Variants in STYXL2 observed in about 807,000 individuals in gnomAD.
STYXL2 encodes serine/threonine/tyrosine interacting like 2.
Under a neutral mutation model 52.4 loss-of-function variants are expected in STYXL2, and 44 were observed. The observed-to-expected ratio is 0.84, with a 90% CI of 0.66 to 1.08. STYXL2 has a LOEUF of 1.08. Among genes scored for constraint, STYXL2 ranks in the 50% least tolerant of loss-of-function variants. The pLI, the probability that STYXL2 is intolerant of heterozygous loss-of-function variation, is 0.00. For missense variants in STYXL2, 1,604 were observed against 1,471.7 expected, an observed-to-expected ratio of 1.09 and a Z score of -1.47; for synonymous variants, 604 against 586.9, an observed-to-expected ratio of 1.03 and a Z score of -0.42.
chr1:167,119,514 A>T (rs141993270), intron 5 of STYXL2, 48 bp downstream of exon 5: 1 of 1,541,518 alleles, frequency 6.5e-7, no homozygotes, highest in Non-Finnish European at 8.9e-7. Flanking sequence ...ACGGGGGAAA[A>T]GTAATGTGGG....
chr1:167,105,631 A>G (rs1183241006), intron 2 of STYXL2, among the ~76,000 whole-genome samples: 1 of 152,074 alleles, frequency 6.6e-6, no homozygotes. Context: ...CTATTTCTGC[A>G]GTCCTCCTTC....
At chr1:167,120,325 G>A (rs1667824196) in intron 5 of STYXL2, among the ~76,000 whole-genome samples, 1 of 152,176 alleles carries the variant, frequency 6.6e-6, no homozygotes, top group Non-Finnish European at 1.5e-5. Context: ...TTTGAGTCCA[G>A]GATTTGCTAC....
chr1:167,126,308 A>C lies in STYXL2; in HGVS notation c.1177A>C (p.Ile393Leu). 2.6e-6 allele frequency: 4 copies of C among 1,524,640 alleles called. No homozygotes were observed. The highest frequency in any genetic ancestry group is 3.5e-6 in the Non-Finnish European group (4 of 1,134,244). The allele number at this position is 1,524,640 out of a possible 1,614,324, so 94.4% of individuals were successfully genotyped here. A position where few individuals can be genotyped will look rare whatever the true frequency, so the allele number is the denominator to read the frequency against. The part of the protein sequence containing the change: ...ELEDEDVERI[I>L]QEWQSRNERY... ...CGAGGACGAGGACGTGGAGAGGATCATCCAGGAGTGGCAGAGCCGAAACGA... is the reference window on the plus strand; with the variant it reads ...CGAGGACGAGGACGTGGAGAGGATCCTCCAGGAGTGGCAGAGCCGAAACGA... The change falls in exon 6 of 6, where the codon ATC (isoleucine) becomes CTC (leucine). Residue 393 changes from isoleucine (I) to leucine (L), a missense_variant. Physicochemically the swap from Ile to Leu is conservative, Grantham distance 5. Coordinates refer to ENST00000361200, the MANE Select transcript of STYXL2 (RefSeq NM_001080426.3).
At position 167,128,187 on chromosome 1, in the gene STYXL2, A is replaced by G. The variant is rs1190659922; in HGVS notation, c.3056A>G (p.His1019Arg). 6.2e-7 allele frequency: 1 copy of G among 1,614,238 alleles called. No individual in the cohort carries two copies. The highest frequency in any genetic ancestry group is 1.7e-5 in the Admixed American group (1 of 60,034). The change falls in exon 6 of 6, where the codon CAC becomes CGC. Residue 1019 changes from histidine (H) to arginine (R), a missense_variant. Coordinates refer to ENST00000361200, the MANE Select transcript of STYXL2 (RefSeq NM_001080426.3). ...SSSTREGREM[H>R]KFSRSTYNET... is the part of the protein sequence containing the mutation. ...TCCACCAGGGAGGGCAGAGAGATGC[A>G]CAAGTTCTCCAGGTCCACGTACAAC...
intron 2 of STYXL2, among the ~76,000 whole-genome samples, chr1:167,109,323 T>C (rs1015467884): frequency 6.6e-6 from 1 of 152,158 alleles, no homozygotes; most frequent in African/African-American, 2.4e-5. Flanking sequence ...GCTGCCTAAA[T>C]ATAAACTCAG....
chr1:167,099,859 G>A (rs1213859371), intron 2 of STYXL2, among the ~76,000 whole-genome samples: 1 of 152,228 alleles, frequency 6.6e-6, no homozygotes, highest in African/African-American at 2.4e-5. Flanking sequence ...GATATAGGAT[G>A]TATAAACAAC....
chr1:167,106,131 A>G (rs541079970), intron 2 of STYXL2, among the ~76,000 whole-genome samples: 6 of 152,184 alleles, frequency 3.9e-5, no homozygotes, highest in South Asian at 4.1e-4. Context: ...GATTCTCAGT[A>G]TTTGTTATTT....
Position 167,126,682 on chromosome 1 carries a change from G to A in STYXL2, c.1551G>A (p.Glu517=). ...CAGAAGCAGGGAGCAGGGTGCGGGA[G>A]GATGATGAGGACAGCGTGGGCTCTG... ...RSSEAGSRVR[E]DDEDSVGSEA... The change falls in exon 6 of 6, where the codon GAG becomes GAA. Residue 517 remains glutamate (E), a synonymous_variant. Transcript: ENST00000361200. The A allele has an allele frequency of 1.9e-6, 3 of 1,614,198 alleles. No individual in the cohort carries two copies. Among genetic ancestry groups the A allele is most frequent in the South Asian group, 1.1e-5 (1 of 91,086 alleles).
chr1:167,116,053 A>T (rs1296664531), intron 3 of STYXL2, among the ~76,000 whole-genome samples: 1 of 152,192 alleles, frequency 6.6e-6, no homozygotes, highest in Non-Finnish European at 1.5e-5. Flanking sequence ...GAGACTGCCC[A>T]TCAGGGAAGA....
intron 2 of STYXL2, among the ~76,000 whole-genome samples, chr1:167,100,456 A>G (rs910956018): frequency 3.9e-5 from 6 of 152,172 alleles, no homozygotes; most frequent in African/African-American, 1.4e-4. Context: ...CAAATATGAC[A>G]CAAAGGGGCA....
intron 2 of STYXL2, among the ~76,000 whole-genome samples, chr1:167,110,275 G>T (rs572297860): frequency 6.6e-6 from 1 of 152,244 alleles, no homozygotes; most frequent in South Asian, 2.1e-4. Context: ...CAAATGAGAA[G>T]GAACCAGAAA....
chr1:167,103,684 C>T (rs1455542806), intron 2 of STYXL2, among the ~76,000 whole-genome samples: 1 of 152,208 alleles, frequency 6.6e-6, no homozygotes, highest in African/African-American at 2.4e-5. Flanking sequence ...ATCCATCTCA[C>T]AGCTAGGCAA....
chr1:167,108,977 A>G (rs181162735), intron 2 of STYXL2, among the ~76,000 whole-genome samples: 11 of 144,126 alleles, frequency 7.6e-5, no homozygotes. Context: ...TGAGAAACAT[A>G]TAAAAGTAGA....
intron 4 of STYXL2, among the ~76,000 whole-genome samples, 155 bp downstream of exon 4, chr1:167,117,714 G>C (rs1003131358): frequency 2.0e-5 from 3 of 152,130 alleles, no homozygotes; most frequent in African/African-American, 7.2e-5. Context: ...CCAGAGAAAG[G>C]CCCCTCCATC....
chr1:167,099,852 AT>A (rs1667364543), intron 2 of STYXL2, among the ~76,000 whole-genome samples: 1 of 152,268 alleles, frequency 6.6e-6, no homozygotes, highest in Non-Finnish European at 1.5e-5. Flanking sequence ...CATTAAGGAT[AT>A]AGGATGTATA....
At chr1:167,112,579 C>A (rs181493227) in intron 2 of STYXL2, among the ~76,000 whole-genome samples, 1 of 152,302 alleles carries the variant, frequency 6.6e-6, no homozygotes, top group East Asian at 1.9e-4. Context: ...GGGAATCCAG[C>A]TGGGGTTGCT....
chr1:167,122,271 C>T (rs1338204289), intron 5 of STYXL2, among the ~76,000 whole-genome samples: 1 of 152,060 alleles, frequency 6.6e-6, no homozygotes, highest in Non-Finnish European at 1.5e-5. Flanking sequence ...CCTGGCACGC[C>T]GGGCAGGCCT....
chr1:167,127,194 T>TGTCTCAGGCTGCAA lies in STYXL2; in HGVS notation c.2065_2078dup (p.Asn694LeufsTer7), dbSNP rs1667993429. On this transcript the variant is annotated frameshift_variant, in exon 6 of 6. Transcript: ENST00000361200. LOFTEE classifies it low-confidence loss of function (END_TRUNC). ...AGCACCCAGAGCCACCGCTCCCACC[T>TGTCTCAGGCTGCAA]GTCTCAGGCTGCAAGCAACATAGCG... 2.5e-6 allele frequency: 4 copies of TGTCTCAGGCTGCAA among 1,613,990 alleles called. No individual in the cohort carries two copies. Among genetic ancestry groups the TGTCTCAGGCTGCAA allele is most frequent in the Non-Finnish European group, 3.4e-6 (4 of 1,179,950 alleles).
At chr1:167,116,132 C>T (rs1371966922) in intron 3 of STYXL2, among the ~76,000 whole-genome samples, 1 of 152,196 alleles carries the variant, frequency 6.6e-6, no homozygotes. Flanking sequence ...CTCTCTCTCT[C>T]TCTATTCAGT....
Sources: allele counts gnomAD v4.1 joint callset (sites outside exome capture counted in the v4.1 genomes callset), GRCh38; gene constraint gnomAD v4.1.1; transcripts MANE v1.5; gene names NCBI Gene and HGNC (gene_info 2026-07-23, HGNC 2026-07-21).